The following PSME4 variants were observed in gnomAD, a reference collection of about 807,000 sequenced individuals.
PSME4 encodes proteasome activator complex subunit 4.
A neutral mutation model predicts 253.9 loss-of-function variants in PSME4; 89 were observed. The observed-to-expected ratio is 0.35, with a 90% confidence interval of 0.30 to 0.42. PSME4 has a LOEUF of 0.42. Ranked by LOEUF, PSME4 falls within the 10% of genes least tolerant of loss-of-function variation. PSME4 has a pLI of 1.00. For synonymous variants in PSME4, 851 were observed against 759.2 expected, an observed-to-expected ratio of 1.12 and a Z score of -1.99; for missense variants, 2,014 against 2,195.2, an observed-to-expected ratio of 0.92 and a Z score of 1.65.
chr2:53,876,485 T>G (rs991031131), intron 41 of PSME4, among the ~76,000 whole-genome samples: 2 of 152,114 alleles, frequency 1.3e-5, no homozygotes, highest in Admixed American at 6.6e-5. Flanking sequence ...GCTGTGTATT[T>G]CTTTCATTGA....
chr2:53,966,751 G>A (rs805344), intron 1 of PSME4, among the ~76,000 whole-genome samples: 46,314 of 151,768 alleles, frequency 0.31, 7,672 homozygotes, highest in South Asian at 0.49. Context: ...CTCTTTTGCC[G>A]AGGCTGGAGT....
intron 1 of PSME4, among the ~76,000 whole-genome samples, chr2:53,963,906 A>G (rs1670601471): frequency 6.6e-6 from 1 of 152,200 alleles, no homozygotes; most frequent in Non-Finnish European, 1.5e-5. Context: ...TACTTCAAAA[A>G]CAATGGGGAA....
intron 33 of PSME4, 89 bp downstream of exon 33, chr2:53,895,494 A>G (rs919385456): frequency 1.6e-6 from 2 of 1,287,928 alleles, no homozygotes; most frequent in African/African-American, 3.0e-5. Flanking sequence ...AGAACCTTCA[A>G]GTGCCTCTGA....
At chr2:53,919,672 C>G (rs1332179620) in intron 19 of PSME4, among the ~76,000 whole-genome samples, 1 of 152,160 alleles carries the variant, frequency 6.6e-6, no homozygotes, top group Non-Finnish European at 1.5e-5. Context: ...ACACTTCTTT[C>G]TCCAAGTGCA....
rs1678466621 is a variant in PSME4, at chr2:53,864,267, T to TACA, written c.*1308_*1310dup. The TACA allele has an allele frequency of 2.0e-5, 3 of 152,426 alleles. No homozygotes were observed. The South Asian group carries it at 6.2e-4, about 32-fold the overall frequency. The allele number at this position is 152,426 out of a possible 1,614,324, so 9.4% of individuals were successfully genotyped here. ...TGTAGTGTTCCTTTAAGGAAGACTG[T>TACA]ACAGGGTGTGTTGCAAGATGACATT... On this transcript the variant is annotated 3_prime_UTR_variant, in exon 47 of 47. Coordinates refer to ENST00000404125, the MANE Select transcript of PSME4 (RefSeq NM_014614.3).
rs898599128 is a variant in PSME4 at position 53,864,277 on chromosome 2, G to C, written c.*1301C>G. 5.9e-5 allele frequency: 9 copies of C among 152,420 alleles called. No homozygotes were observed. The highest frequency in any genetic ancestry group is 5.9e-4 in the Admixed American group (9 of 15,276). 9.4% of individuals were successfully genotyped at this position (152,420 alleles called of 1,614,324 possible). Reference sequence around the variant, plus strand: ...CTTTAAGGAAGACTGTACAGGGTGTGTTGCAAGATGACATTCACCAATTTG... The same window carrying C: ...CTTTAAGGAAGACTGTACAGGGTGTCTTGCAAGATGACATTCACCAATTTG... On this transcript the variant is annotated 3_prime_UTR_variant, in exon 47 of 47. Coordinates refer to ENST00000404125, the MANE Select transcript of PSME4 (RefSeq NM_014614.3).
chr2:53,922,701 CT>C, intron 16 of PSME4, 117 bp from the exon 17 acceptor site: 1 of 1,221,508 alleles, frequency 8.2e-7, no homozygotes, highest in Non-Finnish European at 1.1e-6. Context: ...TTTAGGAAGA[CT>C]TTTTATTTCT....
intron 27 of PSME4, among the ~76,000 whole-genome samples, chr2:53,903,554 T>C (rs1573250390): frequency 6.6e-6 from 1 of 152,168 alleles, no homozygotes; most frequent in African/African-American, 2.4e-5. Flanking sequence ...TAAGCTTTCA[T>C]ACCACTGCTC....
At position 53,970,544 on chromosome 2, in the gene PSME4, T is replaced by C; in HGVS notation, c.241A>G (p.Thr81Ala). The change falls in exon 1 of 47, where the codon ACA becomes GCA. Residue 81 changes from threonine to alanine, a missense_variant and splice_region_variant. By Grantham distance (58) the Thr-to-Ala change is moderately conservative (BLOSUM62 0). Transcript: ENST00000404125. The part of the protein sequence containing the change: ...GGLFWTRKLS[T>A]YIRLYGRKFS... ...GCCCGCAGGCCCGGGCACACTTACG[T>C]GGAGAGTTTCCTGGTCCAGAAGAGG... 1 of 1,547,030 alleles carries C rather than the reference T, an allele frequency of 6.5e-7. No individual in the cohort carries two copies. The highest frequency in any genetic ancestry group is 2.2e-4 in the Middle Eastern group (1 of 4,536).
Position 53,937,391 on chromosome 2 carries a change from T to C in PSME4, c.695A>G (p.Lys232Arg), listed in dbSNP as rs144541179. The C allele has an allele frequency of 5.4e-4, 865 of 1,588,690 alleles. 2 individuals carry two copies. The African/African-American group carries it at 0.011, about 20-fold the overall frequency. Reference sequence around the variant, plus strand: ...TTTGTCAAGATATGAACATACTTACTTAAAACCTTTATGATGAAGTTCTGG... The same window carrying C: ...TTTGTCAAGATATGAACATACTTACCTAAAACCTTTATGATGAAGTTCTGG... ...LPPELHHKGF[K>R]LWFDELIGLW... Residue 232 changes from lysine to arginine, a missense_variant and splice_region_variant, in exon 5 of 47, where the codon AAA (lysine) becomes AGA (arginine). By Grantham distance (26) the Lys-to-Arg change is conservative (BLOSUM62 2). This residue lies in a region of PSME4 where 615 missense variants were observed against 594.4 expected (regional missense o/e 1.03). Transcript: ENST00000404125.
At chr2:53,894,975 GC>G (rs1680077452) in intron 34 of PSME4, 31 bp downstream of exon 34, 1 of 1,561,756 alleles carries the variant, frequency 6.4e-7, no homozygotes, top group Non-Finnish European at 8.7e-7. Context: ...AAAACAAGAT[GC>G]ATTTGAACCA....
intron 20 of PSME4, among the ~76,000 whole-genome samples, chr2:53,918,766 A>G (rs1668171299): frequency 6.6e-6 from 1 of 152,254 alleles, no homozygotes. Context: ...AAGATTGAAG[A>G]AATCTTTTTT....
At chr2:53,967,649 C>CATAAAAA (rs1670805208) in intron 1 of PSME4, among the ~76,000 whole-genome samples, 1 of 21,566 alleles carries the variant, frequency 4.6e-5, no homozygotes, top group Non-Finnish European at 8.1e-5. Context: ...GAGATTGTCT[C>CATAAAAA]AAAAAAAAAA....
chr2:53,901,363 C>G lies in PSME4; in HGVS notation c.3272G>C (p.Gly1091Ala). 6.2e-7 allele frequency: 1 copy of G among 1,612,804 alleles called. No homozygotes were observed. Among genetic ancestry groups the G allele is most frequent in the Non-Finnish European group, 8.5e-7 (1 of 1,178,814 alleles). The change falls in exon 28 of 47, where the codon GGC (glycine) becomes GCC (alanine). Residue 1091 changes from glycine to alanine, a missense_variant. Physicochemically the swap from Gly to Ala is moderately conservative, Grantham distance 60. This residue lies in a region of PSME4 where 989 missense variants were observed against 1,021.1 expected (regional missense o/e 0.97). Coordinates refer to ENST00000404125, the MANE Select transcript of PSME4 (RefSeq NM_014614.3). The part of the protein sequence containing the change: ...EKIHRQYETI[G>A]LDFTIPKSCV... ...GATATTGCTTACTGTGAAGTCCAAG[C>G]CAATTGTTTCATACTGCCTATGAAT...
At chr2:53,915,983 G>T (rs899826787) in intron 20 of PSME4, among the ~76,000 whole-genome samples, 4 of 152,146 alleles carry the variant, frequency 2.6e-5, no homozygotes, top group Admixed American at 6.5e-5. Context: ...TGTGAGGCAG[G>T]ATAATCGCTT....
rs1170371913 is a variant in PSME4 at position 53,925,530 on chromosome 2, T to C, written c.1809+9A>G. ...GCTGGAAGTTTATTTTTTGCAGCAATGTTCTTACCATAAATATTTCTTTGG... is the reference window on the plus strand; with the variant it reads ...GCTGGAAGTTTATTTTTTGCAGCAACGTTCTTACCATAAATATTTCTTTGG... On this transcript the variant is annotated intron_variant, in intron 14 of 46. Transcript: ENST00000404125. 2 of 1,516,362 alleles carry C rather than the reference T, an allele frequency of 1.3e-6. No individual in the cohort carries two copies. The highest frequency in any genetic ancestry group is 1.8e-6 in the Non-Finnish European group (2 of 1,121,186). The allele number at this position is 1,516,362 out of a possible 1,614,324, so 93.9% of individuals were successfully genotyped here.
rs1466215456 is a variant in PSME4 at position 53,936,275 on chromosome 2, AATAG to A, written c.760-118_760-115del. 40 of 1,422,532 alleles carry A rather than the reference AATAG, an allele frequency of 2.8e-5. No individual in the cohort carries two copies. The South Asian group carries it at 3.3e-4, about 12-fold the overall frequency. The allele number at this position is 1,422,532 out of a possible 1,614,324, so 88.1% of individuals were successfully genotyped here. A position where few individuals can be genotyped will look rare whatever the true frequency, so the allele number is the denominator to read the frequency against. On this transcript the variant is annotated intron_variant, in intron 6 of 46. Coordinates refer to ENST00000404125, the MANE Select transcript of PSME4 (RefSeq NM_014614.3). ...GGCAATCATTAGTGCAATCTACTTA[AATAG>A]ATAGTTTATGACTTTGTTTTTTTTA... is the stretch of plus-strand genomic sequence containing the variant.
At chr2:53,883,859 C>G (rs1679511389) in intron 41 of PSME4, among the ~76,000 whole-genome samples, 1 of 152,016 alleles carries the variant, frequency 6.6e-6, no homozygotes, top group Non-Finnish European at 1.5e-5. Context: ...CCACTGAACT[C>G]TGCTGCACTA....
chr2:53,918,401 T>G (rs1668152547), intron 20 of PSME4, among the ~76,000 whole-genome samples: 1 of 152,210 alleles, frequency 6.6e-6, no homozygotes, highest in Non-Finnish European at 1.5e-5. Flanking sequence ...TTGCCCAGGC[T>G]AGAGTGCAGC....
Sources: allele counts gnomAD v4.1 joint callset (sites outside exome capture counted in the v4.1 genomes callset), GRCh38; gene constraint gnomAD v4.1.1; regional missense constraint gnomAD v4.1.1; transcripts MANE v1.5; gene names NCBI Gene and HGNC (gene_info 2026-07-23, HGNC 2026-07-21).